Variants in SPIRE1 observed in about 807,000 individuals in gnomAD.
SPIRE1 encodes spire type actin nucleation factor 1.
Under a neutral mutation model 94.1 loss-of-function variants are expected in SPIRE1, and 40 were observed. The observed-to-expected ratio is 0.43, with a 90% CI of 0.33 to 0.55. The LOEUF is 0.55. SPIRE1 is among the 20% of genes least tolerant of loss of function. The probability of loss-of-function intolerance (pLI) is 0.06; values close to 1 mark genes in which losing one functional copy is unlikely to be tolerated. For synonymous variants in SPIRE1, 376 were observed against 371.7 expected (o/e 1.01, Z -0.13); for missense variants, 838 against 975.2 (o/e 0.86, Z 1.87).
intron 5 of SPIRE1, among the ~76,000 whole-genome samples, chr18:12,507,674 G>C (rs2033883069): frequency 6.6e-6 from 1 of 151,656 alleles, no homozygotes; most frequent in African/African-American, 2.4e-5. Context: ...ACTCCAGCTT[G>C]GGCGACACAG....
chr18:12,659,386 G>T (rs1288748135), upstream of SPIRE1, among the ~76,000 whole-genome samples: 2 of 152,152 alleles, frequency 1.3e-5, no homozygotes, highest in Admixed American at 1.3e-4. Context: ...ATTGAAAGAG[G>T]GCCGTGCGCA....
intron 9 of SPIRE1, 122 bp downstream of exon 9, chr18:12,485,837 C>A (rs758378101): frequency 1.5e-5 from 11 of 717,616 alleles, no homozygotes; most frequent in South Asian, 1.5e-4. Context: ...TTACTGACCA[C>A]GGCTTAGCAG....
intron 2 of SPIRE1, among the ~76,000 whole-genome samples, chr18:12,604,164 G>A (rs118026731): frequency 0.023 from 3,537 of 152,256 alleles, 66 homozygotes; most frequent in Non-Finnish European, 0.031. Context: ...TCAGTGTATC[G>A]AGTAGGGGGA....
intron 1 of SPIRE1, among the ~76,000 whole-genome samples, chr18:12,644,518 A>C (rs2038170271): frequency 6.6e-6 from 1 of 152,232 alleles, no homozygotes; most frequent in South Asian, 2.1e-4. Context: ...AAGGAAAAAA[A>C]CAAATTCAAG....
chr18:12,486,560 TGCC>T (rs1354867167), intron 8 of SPIRE1, among the ~76,000 whole-genome samples: 37 of 152,316 alleles, frequency 2.4e-4, no homozygotes, highest in African/African-American at 8.7e-4. Flanking sequence ...CAGGACAGAT[TGCC>T]TGAGTTTGAA....
At chr18:12,470,241 G>GT (rs2032298876) in intron 10 of SPIRE1, among the ~76,000 whole-genome samples, 1 of 152,062 alleles carries the variant, frequency 6.6e-6, no homozygotes, top group African/African-American at 2.4e-5. Context: ...ATCTTATACT[G>GT]GCCACCATGT....
rs530025724 is a variant in SPIRE1, at chr18:12,573,864, C to G, written c.373-26960G>C. On this transcript the variant is annotated intron_variant, in intron 2 of 16. Coordinates refer to ENST00000409402, the MANE Select transcript of SPIRE1 (RefSeq NM_001128626.2). ...ACGCCATTCTCCTGCCTCAGCCTCCCGAGTAGCTGGGACTACAGGTGCCTG... is the reference window on the plus strand; with the variant it reads ...ACGCCATTCTCCTGCCTCAGCCTCCGGAGTAGCTGGGACTACAGGTGCCTG... Among the ~76,000 whole-genome samples, 6 of 152,150 alleles carry G rather than the reference C, an allele frequency of 3.9e-5. No homozygotes were observed. The East Asian group carries it at 1.2e-3, about 29-fold the overall frequency.
chr18:12,629,511 T>G (rs1448908190), intron 2 of SPIRE1, among the ~76,000 whole-genome samples: 1 of 152,212 alleles, frequency 6.6e-6, no homozygotes, highest in African/African-American at 2.4e-5. Flanking sequence ...TAGTCTGAGC[T>G]GTGAGCCACT....
At chr18:12,532,348 A>C (rs1320207716) in intron 4 of SPIRE1, among the ~76,000 whole-genome samples, 2 of 152,216 alleles carry the variant, frequency 1.3e-5, no homozygotes, top group East Asian at 3.8e-4. Flanking sequence ...ATAAATTGCC[A>C]ATTTGCCATA....
intron 2 of SPIRE1, among the ~76,000 whole-genome samples, chr18:12,634,389 G>A (rs1752070924): frequency 6.6e-6 from 1 of 151,278 alleles, no homozygotes; most frequent in African/African-American, 2.4e-5. Context: ...AGCTCCAATG[G>A]AGTCTAACAC....
At position 12,546,700 on chromosome 18, in the gene SPIRE1, T is replaced by TA; in HGVS notation, c.576dup (p.Ile193TyrfsTer5). 1 of 1,613,814 alleles carries TA rather than the reference T, an allele frequency of 6.2e-7. No individual in the cohort carries two copies. On this transcript the variant is annotated frameshift_variant, in exon 3 of 17. Transcript: ENST00000409402. LOFTEE classifies it high-confidence loss of function. ...TTCATGACATCTCTATATGACCGAATAGCTGAGATTTTTCTCTTTTCATCT... is the reference window on the plus strand; with the variant it reads ...TTCATGACATCTCTATATGACCGAATAAGCTGAGATTTTTCTCTTTTCATCT...
chr18:12,635,332 T>A (rs1350965906), intron 1 of SPIRE1, among the ~76,000 whole-genome samples: 8 of 152,088 alleles, frequency 5.3e-5, no homozygotes, highest in Non-Finnish European at 1.5e-5. Context: ...TTAACTGTAA[T>A]AAGATCTAAA....
rs933029902 is a variant in SPIRE1 at position 12,503,691 on chromosome 18, A to G, written c.972+2786T>C. Among the ~76,000 whole-genome samples the G allele has an allele frequency of 6.7e-5, 10 of 148,618 alleles. 2 individuals carry two copies. The highest frequency in any genetic ancestry group is 1.3e-4 in the Non-Finnish European group (9 of 66,816). On this transcript the variant is annotated intron_variant, in intron 6 of 16. Coordinates refer to ENST00000409402, the MANE Select transcript of SPIRE1 (RefSeq NM_001128626.2). ...GAAGCTTTGAGAGAACAGAGACTGT[A>G]ATACGTCCTTCCAGAGTCAGAATAA...
intron 2 of SPIRE1, among the ~76,000 whole-genome samples, chr18:12,612,090 C>T (rs1286249879): frequency 6.6e-6 from 1 of 152,144 alleles, no homozygotes; most frequent in African/African-American, 2.4e-5. Flanking sequence ...TTGAAACCCA[C>T]TCCAATAAGC....
At chr18:12,528,136 T>G (rs1426840797) in intron 4 of SPIRE1, among the ~76,000 whole-genome samples, 1 of 151,598 alleles carries the variant, frequency 6.6e-6, no homozygotes, top group Non-Finnish European at 1.5e-5. Flanking sequence ...ATCTCATTGA[T>G]GGAGGCCCCA....
At chr18:12,625,627 T>C (rs2037600159) in intron 2 of SPIRE1, among the ~76,000 whole-genome samples, 1 of 152,256 alleles carries the variant, frequency 6.6e-6, no homozygotes, top group African/African-American at 2.4e-5. Flanking sequence ...CAGCCTCATT[T>C]ATGCAGCTAA....
intron 9 of SPIRE1, among the ~76,000 whole-genome samples, chr18:12,484,946 T>C (rs1267570212): frequency 1.3e-5 from 2 of 152,064 alleles, no homozygotes; most frequent in Non-Finnish European, 2.9e-5. Flanking sequence ...CATATATATT[T>C]AAAGTTTTAA....
chr18:12,626,399 G>A (rs2037626553), intron 2 of SPIRE1, among the ~76,000 whole-genome samples: 1 of 152,160 alleles, frequency 6.6e-6, no homozygotes, highest in Non-Finnish European at 1.5e-5. Flanking sequence ...ATCATTTTGA[G>A]TAATTTGGAA....
At chr18:12,509,037 A>G (rs2033937513) in intron 5 of SPIRE1, among the ~76,000 whole-genome samples, 1 of 152,164 alleles carries the variant, frequency 6.6e-6, no homozygotes, top group Non-Finnish European at 1.5e-5. Flanking sequence ...TTTACATACT[A>G]CTTTTCAGAA....
Sources: allele counts gnomAD v4.1 joint callset (sites outside exome capture counted in the v4.1 genomes callset), GRCh38; gene constraint gnomAD v4.1.1; transcripts MANE v1.5; gene names NCBI Gene and HGNC (gene_info 2026-07-23, HGNC 2026-07-21).